Variants in COTL1 observed in about 807,000 individuals in gnomAD.
The protein encoded by COTL1 is coactosin like F-actin binding protein 1.
In COTL1, 15 loss-of-function variants were observed where a neutral mutation model predicts 16.5. The ratio of observed to expected loss-of-function variants is 0.91; its 90% CI spans 0.61 to 1.40. COTL1 has a LOEUF of 1.40. COTL1 is among the 40% of genes most tolerant of loss of function. The probability of loss-of-function intolerance (pLI) is 0.00; values close to 1 mark genes in which losing one functional copy is unlikely to be tolerated. For missense variants in COTL1, 220 were observed against 201.5 expected (o/e 1.09, Z -0.56); for synonymous variants, 112 against 85.3 (o/e 1.31, Z -1.73).
intron 3 of COTL1, chr16:84,567,202 TC>T (rs892777081): frequency 4.8e-6 from 2 of 416,676 alleles, no homozygotes; most frequent in African/African-American, 4.1e-5. Flanking sequence ...TGCTGCGTCT[TC>T]CCATGTCCGT....
At chr16:84,609,453 G>C (rs1292639489) in intron 2 of COTL1, among the ~76,000 whole-genome samples, 1 of 152,196 alleles carries the variant, frequency 6.6e-6, no homozygotes, top group East Asian at 1.9e-4. Flanking sequence ...AGAGTGCAGA[G>C]GCAAGGAAGG....
intron 2 of COTL1, among the ~76,000 whole-genome samples, chr16:84,591,894 A>G (rs1904878865): frequency 6.6e-6 from 1 of 152,066 alleles, no homozygotes; most frequent in African/African-American, 2.4e-5. Context: ...ATGTGCGTGC[A>G]TGTGTATGTG....
chr16:84,606,644 T>G (rs564048894), intron 2 of COTL1, among the ~76,000 whole-genome samples: 1 of 152,318 alleles, frequency 6.6e-6, no homozygotes, highest in East Asian at 1.9e-4. Context: ...GCCACTTGGG[T>G]ACACCATGAC....
chr16:84,609,765 G>C (rs375843869), intron 2 of COTL1, among the ~76,000 whole-genome samples: 10 of 147,254 alleles, frequency 6.8e-5, no homozygotes, highest in African/African-American at 2.4e-4. Flanking sequence ...TTTTATAAGG[G>C]GCTTCCCCCT....
chr16:84,604,112 C>T (rs1241574630), intron 2 of COTL1, among the ~76,000 whole-genome samples: 1 of 139,748 alleles, frequency 7.2e-6, no homozygotes, highest in Admixed American at 7.1e-5. Context: ...TGCTCCCCTC[C>T]CACTCCCCAC....
Position 84,566,794 on chromosome 16 carries a change from C to G in COTL1, c.*51G>C. ...AGCTGAGGCCGGCGGTCCTCTCCCCCGGGGAGCAGGCAGATGACTTTGGCA... is the reference window on the plus strand; with the variant it reads ...AGCTGAGGCCGGCGGTCCTCTCCCCGGGGGAGCAGGCAGATGACTTTGGCA... On this transcript the variant is annotated 3_prime_UTR_variant, in exon 4 of 4. Transcript: ENST00000262428. The G allele has an allele frequency of 7.5e-7, 1 of 1,326,094 alleles. No individual in the cohort carries two copies. The highest frequency in any genetic ancestry group is 1.1e-6 in the Non-Finnish European group (1 of 922,404). The allele number at this position is 1,326,094 out of a possible 1,614,324, so 82.1% of individuals were successfully genotyped here.
chr16:84,605,437 C>A (rs1156870824), intron 2 of COTL1, among the ~76,000 whole-genome samples: 1 of 152,212 alleles, frequency 6.6e-6, no homozygotes, highest in Non-Finnish European at 1.5e-5. Context: ...GTCCTAAACC[C>A]CAAAACTGTG....
At chr16:84,576,764 C>A (rs148896877) in intron 3 of COTL1, 1 of 152,244 alleles carries the variant, frequency 6.6e-6, no homozygotes, top group African/African-American at 2.4e-5. Context: ...AATGGGGAAA[C>A]CTGGCATGGA....
At chr16:84,582,118 G>A (rs1904610809) in intron 3 of COTL1, among the ~76,000 whole-genome samples, 1 of 151,206 alleles carries the variant, frequency 6.6e-6, no homozygotes, top group African/African-American at 2.4e-5. Flanking sequence ...CTCCTGAGTA[G>A]CTGGTAGCTG....
chr16:84,587,558 C>T (rs1904762006), intron 3 of COTL1, among the ~76,000 whole-genome samples: 1 of 152,060 alleles, frequency 6.6e-6, no homozygotes, highest in South Asian at 2.1e-4. Flanking sequence ...ACTCTGCTAC[C>T]AGAAAACCAT....
chr16:84,611,169 G>C (rs577557278), intron 2 of COTL1, among the ~76,000 whole-genome samples: 1 of 152,202 alleles, frequency 6.6e-6, no homozygotes, highest in Admixed American at 6.5e-5. Context: ...ATCGTTCAAA[G>C]CAAGACGCCC....
intron 2 of COTL1, among the ~76,000 whole-genome samples, chr16:84,601,791 G>A (rs1028739013): frequency 1.3e-5 from 2 of 152,300 alleles, no homozygotes; most frequent in East Asian, 1.9e-4. Context: ...AGTTCCTCCA[G>A]AGAACAGGGT....
At chr16:84,592,162 C>T (rs1345683149) in intron 2 of COTL1, among the ~76,000 whole-genome samples, 3 of 152,236 alleles carry the variant, frequency 2.0e-5, no homozygotes, top group African/African-American at 7.2e-5. Flanking sequence ...TGCTGTAAAC[C>T]GTTGGTGTCC....
chr16:84,596,042 C>G (rs1245108017), intron 2 of COTL1: 1 of 152,184 alleles, frequency 6.6e-6, no homozygotes, highest in African/African-American at 2.4e-5. Context: ...CTTTCCATCA[C>G]CCTCACTGTG....
At chr16:84,580,636 G>T (rs1416899498) in intron 3 of COTL1, among the ~76,000 whole-genome samples, 1 of 152,030 alleles carries the variant, frequency 6.6e-6, no homozygotes, top group South Asian at 2.1e-4. Context: ...GTGGCCTCCA[G>T]TCCCCCACCA....
In COTL1 at chr16:84,617,544, G is replaced by C. The variant is rs751705777; in HGVS notation, c.117C>G (p.Gly39=). 6.4e-7 allele frequency: 1 copy of C among 1,558,304 alleles called. No homozygotes were observed. The highest frequency in any genetic ancestry group is 1.2e-5 in the South Asian group (1 of 84,578). The change falls in exon 2 of 4, where the codon GGC becomes GGG. Residue 39 remains glycine, a synonymous_variant. Coordinates refer to ENST00000262428, the MANE Select transcript of COTL1 (RefSeq NM_021149.5). ...AGTGCTGGTACTCCGCTCCCTGCTC[G>C]CCGGGGACGATGGTGGAGCCGTCAT... ...FKYDGSTIVP[G]EQGAEYQHFI... is the part of the protein sequence containing the mutation.
At chr16:84,602,202 T>C (rs1288158361) in intron 2 of COTL1, among the ~76,000 whole-genome samples, 1 of 99,334 alleles carries the variant, frequency 1.0e-5, no homozygotes, top group Non-Finnish European at 2.2e-5. Flanking sequence ...TTCAGTTCAA[T>C]GGGGGTGGGG....
At chr16:84,570,772 G>C (rs1169359271) in intron 3 of COTL1, among the ~76,000 whole-genome samples, 1 of 152,166 alleles carries the variant, frequency 6.6e-6, no homozygotes, top group Admixed American at 6.6e-5. Context: ...TACTTAGAGA[G>C]GTCTTAAAAG....
At chr16:84,613,426 C>T (rs1046363859) in intron 2 of COTL1, among the ~76,000 whole-genome samples, 1 of 152,094 alleles carries the variant, frequency 6.6e-6, no homozygotes, top group African/African-American at 2.4e-5. Flanking sequence ...GTAGAAACCT[C>T]CAAAATCAAA....
Sources: allele counts gnomAD v4.1 joint callset (sites outside exome capture counted in the v4.1 genomes callset), GRCh38; gene constraint gnomAD v4.1.1; transcripts MANE v1.5; gene names NCBI Gene and HGNC (gene_info 2026-07-23, HGNC 2026-07-21).